The following LITAF variants were observed in gnomAD, a reference collection of about 807,000 sequenced individuals.
LITAF encodes the protein lipopolysaccharide-induced tumor necrosis factor-alpha factor.
In LITAF, 9 loss-of-function variants were observed where a neutral mutation model predicts 14.5. The ratio of observed to expected loss-of-function variants is 0.62; its 90% CI spans 0.37 to 1.08. The LOEUF is 1.08. LITAF is among the 50% of genes least tolerant of loss of function. The pLI is 0.01. For missense variants in LITAF, 206 were observed against 213.4 expected (o/e 0.97, Z 0.22); for synonymous variants, 98 against 88.2 (o/e 1.11, Z -0.62).
rs1365560043 is a variant in LITAF, at chr16:11,630,537, C to T, written c.85+2996G>A. 2.7e-5 allele frequency among the ~76,000 whole-genome samples: 4 copies of T among 149,426 alleles called. No homozygotes were observed. The East Asian group carries it at 6.0e-4, about 22-fold the overall frequency. On this transcript the variant is annotated intron_variant, in intron 3 of 3. Coordinates refer to the LITAF transcript ENST00000574848. ...GCTCCACAGCTTCAGGTCTCTCTGG[C>T]GGCAGTGCCTTCCCCTACCTGCCCC...
upstream of LITAF, among the ~76,000 whole-genome samples, chr16:11,602,933 A>G (rs2064936382): frequency 6.6e-6 from 1 of 152,018 alleles, no homozygotes; most frequent in Admixed American, 6.6e-5. Flanking sequence ...CAACCCAGCG[A>G]GACCCCATCT....
intron 1 of LITAF, among the ~76,000 whole-genome samples, chr16:11,580,870 T>A (rs979759697): frequency 2.6e-5 from 4 of 152,156 alleles, no homozygotes; most frequent in Non-Finnish European, 5.9e-5. Flanking sequence ...GCTCAAGCGA[T>A]CCTCTTGCCT....
At position 11,605,892 on chromosome 16, in the gene LITAF, C is replaced by G. The variant is rs1029118617; in HGVS notation, c.85+27641G>C. 1.3e-5 allele frequency among the ~76,000 whole-genome samples: 2 copies of G among 152,206 alleles called. No homozygotes were observed. The highest frequency in any genetic ancestry group is 6.5e-5 in the Admixed American group (1 of 15,274). ...CCCACGGAAACTTATCAATAGCTGCCTCTTTAGGATCAAGACCAACCTCTC... is the reference window on the plus strand; with the variant it reads ...CCCACGGAAACTTATCAATAGCTGCGTCTTTAGGATCAAGACCAACCTCTC... On this transcript the variant is annotated intron_variant, in intron 3 of 3. Transcript: ENST00000574848. This position sits in a 1 kb window ranked among gnomAD's most constrained non-coding sequence, Gnocchi z 4.7.
intron 1 of LITAF, among the ~76,000 whole-genome samples, chr16:11,595,389 G>A (rs1172721977): frequency 6.6e-6 from 1 of 152,246 alleles, no homozygotes; most frequent in East Asian, 1.9e-4. Context: ...GTGAGCTCAT[G>A]GGCAGAGGGA....
At chr16:11,556,470 G>C (rs200369378) in intron 2 of LITAF, 41 bp downstream of exon 2, 1 of 1,552,052 alleles carries the variant, frequency 6.4e-7, no homozygotes, top group East Asian at 2.3e-5. Flanking sequence ...CAGGGTGGAG[G>C]GCCAAGGAAT....
intron 3 of LITAF, among the ~76,000 whole-genome samples, chr16:11,626,098 G>C (rs1250451441): frequency 1.3e-5 from 2 of 151,974 alleles, no homozygotes; most frequent in Non-Finnish European, 2.9e-5. Context: ...CAGAATTTAG[G>C]ACTTGTTCCA....
At chr16:11,637,982 ATC>A (rs1233047225), upstream of LITAF, among the ~76,000 whole-genome samples, 1 of 74,814 alleles carries the variant, frequency 1.3e-5, no homozygotes, top group African/African-American at 9.6e-5. Flanking sequence ...ATCTATATAT[ATC>A]TATATATATC....
chr16:11,612,056 T>C (rs936432884), intron 3 of LITAF, among the ~76,000 whole-genome samples: 1 of 152,076 alleles, frequency 6.6e-6, no homozygotes, highest in Non-Finnish European at 1.5e-5. Flanking sequence ...TCTTCCTTCT[T>C]CCCCTCGGGG....
intron 1 of LITAF, among the ~76,000 whole-genome samples, chr16:11,583,406 C>T (rs1020164736): frequency 1.3e-5 from 2 of 152,128 alleles, no homozygotes; most frequent in Non-Finnish European, 2.9e-5. Context: ...CTAGTTTCCA[C>T]GTGAATCACA....
chr16:11,604,540 C>T (rs1044642945), intron 3 of LITAF, among the ~76,000 whole-genome samples: 5 of 151,234 alleles, frequency 3.3e-5, no homozygotes, highest in African/African-American at 1.2e-4. Flanking sequence ...GGTGTGATGG[C>T]TCACGCTTGT....
rs1389116974 is a variant in LITAF at position 11,548,511 on chromosome 16, G to A, written c.*1126C>T. 1 of 453,746 alleles carries A rather than the reference G, an allele frequency of 2.2e-6. No individual in the cohort carries two copies. Among genetic ancestry groups the A allele is most frequent in the Non-Finnish European group, 4.4e-6 (1 of 226,782 alleles). 28.1% of individuals were successfully genotyped at this position (453,746 alleles called of 1,614,324 possible). A position where few individuals can be genotyped will look rare whatever the true frequency, so the allele number is the denominator to read the frequency against. ...GAAACCAAAACGGACCCCACTCTGA[G>A]AGTTCCATGATGAAGGTGTTTAAGA... On this transcript the variant is annotated 3_prime_UTR_variant, in exon 4 of 4. Transcript: ENST00000622633.
intron 3 of LITAF, among the ~76,000 whole-genome samples, chr16:11,607,970 C>T (rs945709287): frequency 6.6e-6 from 1 of 152,170 alleles, no homozygotes; most frequent in East Asian, 1.9e-4. Context: ...GTCCCAGCTC[C>T]CTGAAGGCAG....
At chr16:11,611,666 C>A (rs28617347) in intron 3 of LITAF, among the ~76,000 whole-genome samples, 2 of 142,682 alleles carry the variant, frequency 1.4e-5, no homozygotes, top group Non-Finnish European at 3.1e-5. Context: ...TTTTCTTTTT[C>A]TTTTTTTTTT....
chr16:11,574,337 T>C (rs1597350121), intron 1 of LITAF, among the ~76,000 whole-genome samples: 1 of 152,118 alleles, frequency 6.6e-6, no homozygotes, highest in Non-Finnish European at 1.5e-5. Flanking sequence ...CCATCATGCC[T>C]GGCCTAGTAT....
chr16:11,561,536 G>C (rs931886234), intron 1 of LITAF: 1 of 152,148 alleles, frequency 6.6e-6, no homozygotes, highest in African/African-American at 2.4e-5. Flanking sequence ...TCTGAGCATT[G>C]CTTTGAGATC....
intron 3 of LITAF, among the ~76,000 whole-genome samples, chr16:11,618,706 C>G (rs1270124751): frequency 6.6e-6 from 1 of 152,138 alleles, no homozygotes; most frequent in East Asian, 1.9e-4. Flanking sequence ...CCGCACTGGC[C>G]GGCCGCGGGG....
upstream of LITAF, among the ~76,000 whole-genome samples, chr16:11,591,096 T>A (rs138013369): frequency 0.018 from 2,101 of 118,760 alleles, 763 homozygotes; most frequent in African/African-American, 0.079. Context: ...GACAAGCTGA[T>A]CCTAAAATTA....
At chr16:11,600,146 A>G (rs900286796), upstream of LITAF, among the ~76,000 whole-genome samples, 1 of 152,038 alleles carries the variant, frequency 6.6e-6, no homozygotes, top group Non-Finnish European at 1.5e-5. This position sits in a 1 kb window ranked among gnomAD's most constrained non-coding sequence, Gnocchi z 4.1. Context: ...TACAGACACC[A>G]GCCACCATGC....
rs1332518645 is a variant in LITAF at position 11,547,881 on chromosome 16, G to A, written c.*1756C>T. 1.1e-5 allele frequency: 5 copies of A among 453,976 alleles called. No homozygotes were observed. Among genetic ancestry groups the A allele is most frequent in the Non-Finnish European group, 2.2e-5 (5 of 226,814 alleles). The allele number at this position is 453,976 out of a possible 1,614,324, so 28.1% of individuals were successfully genotyped here. A position where few individuals can be genotyped will look rare whatever the true frequency, so the allele number is the denominator to read the frequency against. Reference sequence around the variant, plus strand: ...ACATTGCAGGATATTCAGCAAGTCTGAAGTTTTTAATCGGGAAGGATTTTC... The same window carrying A: ...ACATTGCAGGATATTCAGCAAGTCTAAAGTTTTTAATCGGGAAGGATTTTC... On this transcript the variant is annotated 3_prime_UTR_variant, in exon 4 of 4. Coordinates refer to ENST00000622633, the MANE Select transcript of LITAF (RefSeq NM_001136472.2).
Sources: gnomAD v4.1 joint callset for allele counts (sites outside exome capture counted in the v4.1 genomes callset) on GRCh38, gnomAD v4.1.1 for gene constraint, Gnocchi (gnomAD v3.1) non-coding constraint, MANE v1.5 for transcripts, NCBI Gene and HGNC (gene_info 2026-07-23, HGNC 2026-07-21) for gene names.